The following GRB14 variants were observed in gnomAD, a reference collection of about 807,000 sequenced individuals.
The protein encoded by GRB14 is growth factor receptor-bound protein 14.
Under a neutral mutation model 69.1 loss-of-function variants are expected in GRB14, and 38 were observed. The ratio of observed to expected loss-of-function variants is 0.55; its 90% CI spans 0.42 to 0.72. The LOEUF is 0.72. Among genes scored for constraint, GRB14 ranks in the 30% least tolerant of loss-of-function variants. The pLI is 0.00. For missense variants in GRB14, 666 were observed against 666.1 expected (o/e 1.00, Z 0.00); for synonymous variants, 247 against 241.3 (o/e 1.02, Z -0.22).
chr2:164,516,483 A>G (rs1429050445), intron 6 of GRB14, among the ~76,000 whole-genome samples: 1 of 151,922 alleles, frequency 6.6e-6, no homozygotes, highest in East Asian at 1.9e-4. Flanking sequence ...GGATACTCAA[A>G]GAAAAAGAAA....
intron 2 of GRB14, chr2:164,573,711 C>A: frequency 6.2e-7 from 1 of 1,601,264 alleles, no homozygotes; most frequent in South Asian, 1.1e-5. Context: ...CTCTGACCTG[C>A]TATTCTAATT....
chr2:164,529,430 C>T (rs938251900), intron 3 of GRB14, among the ~76,000 whole-genome samples: 1 of 152,164 alleles, frequency 6.6e-6, no homozygotes, highest in African/African-American at 2.4e-5. Flanking sequence ...ACTTTTTAAA[C>T]TTAAAAACGA....
At chr2:164,550,475 T>C (rs1235874287) in intron 2 of GRB14, among the ~76,000 whole-genome samples, 1 of 152,228 alleles carries the variant, frequency 6.6e-6, no homozygotes, top group East Asian at 1.9e-4. Context: ...GTCCTATCTT[T>C]TAAAAATTAT....
At chr2:164,553,532 AATTAT>A (rs1294519327) in intron 2 of GRB14, among the ~76,000 whole-genome samples, 2 of 152,210 alleles carry the variant, frequency 1.3e-5, no homozygotes, top group Non-Finnish European at 2.9e-5. Context: ...TGAATAACGG[AATTAT>A]ATTTAGGTTG....
At chr2:164,538,796 T>A (rs1688152607) in intron 3 of GRB14, among the ~76,000 whole-genome samples, 2 of 152,230 alleles carry the variant, frequency 1.3e-5, no homozygotes, top group Admixed American at 6.5e-5. Flanking sequence ...AACAGGTAAC[T>A]TTTAGCATGA....
In GRB14 at chr2:164,621,464, G is replaced by T. The variant is rs1690463934; in HGVS notation, c.-155C>A. On this transcript the variant is annotated 5_prime_UTR_variant, in exon 1 of 14. Coordinates refer to ENST00000263915, the MANE Select transcript of GRB14 (RefSeq NM_004490.3). This position sits in a 1 kb window ranked among gnomAD's most constrained non-coding sequence, Gnocchi z 6.0. Reference sequence around the variant, plus strand: ...CGCTCGGGGCCCCGGCGGCTGAGACGCGCGGCCGAGCTATCTGCGAGGCGG... The same window carrying T: ...CGCTCGGGGCCCCGGCGGCTGAGACTCGCGGCCGAGCTATCTGCGAGGCGG... The T allele has an allele frequency of 4.6e-6, 2 of 430,698 alleles. No homozygotes were observed. The highest frequency in any genetic ancestry group is 2.1e-5 in the African/African-American group (1 of 48,080). The allele number at this position is 430,698 out of a possible 1,614,324, so 26.7% of individuals were successfully genotyped here. A position where few individuals can be genotyped will look rare whatever the true frequency, so the allele number is the denominator to read the frequency against.
At chr2:164,571,280 AAAAACTATGACC>A (rs1479123724) in intron 2 of GRB14, among the ~76,000 whole-genome samples, 2 of 152,212 alleles carry the variant, frequency 1.3e-5, no homozygotes, top group Non-Finnish European at 2.9e-5. Context: ...AATGAGGATA[AAAAACTATGACC>A]AAAACTTTCA....
In GRB14 at chr2:164,497,261, C is replaced by T. The variant is rs536754675; in HGVS notation, c.1244G>A (p.Gly415Asp). 3.7e-6 allele frequency: 6 copies of T among 1,613,472 alleles called. No homozygotes were observed. The highest frequency in any genetic ancestry group is 1.1e-5 in the South Asian group (1 of 90,994). The part of the protein sequence containing the change: ...AWRKKGCLRL[G>D]THGSPTASSQ... The stretch of plus-strand genomic sequence containing the variant: ...AGAGGCAGTGGGGCTACCGTGAGTG[C>T]CCAGGCGTAAACATCCTTTTTTCTG... Residue 415 changes from glycine to aspartate, a missense_variant, in exon 11 of 14, where the codon GGC (glycine) becomes GAC (aspartate). Physicochemically the swap from Gly to Asp is moderately conservative, Grantham distance 94. Transcript: ENST00000263915.
intron 9 of GRB14, among the ~76,000 whole-genome samples, chr2:164,500,640 A>C (rs928664627): frequency 1.3e-5 from 2 of 152,106 alleles, no homozygotes; most frequent in Non-Finnish European, 2.9e-5. Context: ...ATAATATTAA[A>C]GATGTAATTC....
chr2:164,537,689 T>C (rs1000612181), intron 3 of GRB14, among the ~76,000 whole-genome samples: 1 of 152,114 alleles, frequency 6.6e-6, no homozygotes, highest in Non-Finnish European at 1.5e-5. Flanking sequence ...TATAAGAATA[T>C]GTAGAAGAAA....
chr2:164,558,706 CAGTTTTTAAGCAAT>C (rs1408272160), intron 2 of GRB14, among the ~76,000 whole-genome samples: 1 of 152,188 alleles, frequency 6.6e-6, no homozygotes, highest in African/African-American at 2.4e-5. Context: ...GATCTCATTT[CAGTTTTTAAGCAAT>C]AGTTTATTCC....
chr2:164,506,311 T>C (rs958387811), intron 8 of GRB14, among the ~76,000 whole-genome samples: 14 of 152,226 alleles, frequency 9.2e-5, no homozygotes, highest in African/African-American at 3.4e-4. Context: ...ACATGGTGGC[T>C]ATCTGCCAAA....
intron 3 of GRB14, among the ~76,000 whole-genome samples, chr2:164,544,852 A>G (rs1434206994): frequency 6.6e-6 from 1 of 152,202 alleles, no homozygotes. Context: ...GTCAAATCAG[A>G]AGTACAAACA....
chr2:164,571,768 CA>C (rs1689128556), intron 2 of GRB14, among the ~76,000 whole-genome samples: 2 of 152,230 alleles, frequency 1.3e-5, no homozygotes, highest in South Asian at 4.1e-4. Context: ...GCACATACTG[CA>C]AAAGAACTTG....
In GRB14 at chr2:164,508,502, C is replaced by G. The variant is rs776596903; in HGVS notation, c.976G>C (p.Glu326Gln). 1.9e-6 allele frequency: 3 copies of G among 1,614,116 alleles called. No homozygotes were observed. The highest frequency in any genetic ancestry group is 1.1e-5 in the South Asian group (1 of 91,082). Residue 326 changes from glutamate to glutamine, a missense_variant, in exon 8 of 14, where the codon GAA becomes CAA. Physicochemically the swap from Glu to Gln is conservative, Grantham distance 29. Coordinates refer to ENST00000263915, the MANE Select transcript of GRB14 (RefSeq NM_004490.3). ...ACCCAGCACGTCCTACTCTGCTCTT[C>G]TTCTGCACAGAGCATTTTCAGGTCT... Reference protein sequence around the residue: ...PRDLKMLCAEEEQSRTCWVTA... With the variant: ...PRDLKMLCAEQEQSRTCWVTA...
chr2:164,609,825 A>G (rs1261405569), intron 2 of GRB14, among the ~76,000 whole-genome samples: 1 of 152,218 alleles, frequency 6.6e-6, no homozygotes, highest in Non-Finnish European at 1.5e-5. Flanking sequence ...CTGAAAAATG[A>G]AAATTGTGAT....
chr2:164,499,057 G>A (rs957869523), intron 9 of GRB14, among the ~76,000 whole-genome samples: 4 of 152,040 alleles, frequency 2.6e-5, no homozygotes, highest in African/African-American at 7.3e-5. Flanking sequence ...CTTGTGCTTT[G>A]CTGACATTAA....
chr2:164,565,867 T>C (rs374137290), intron 2 of GRB14, among the ~76,000 whole-genome samples: 1 of 152,146 alleles, frequency 6.6e-6, no homozygotes, highest in African/African-American at 2.4e-5. Context: ...ACAAAATAGA[T>C]CTATACCACA....
chr2:164,552,906 C>A (rs1023812834), intron 2 of GRB14, among the ~76,000 whole-genome samples: 1 of 152,174 alleles, frequency 6.6e-6, no homozygotes, highest in East Asian at 1.9e-4. Flanking sequence ...ATGACCACTC[C>A]TGAGAGAACA....
Sources: gnomAD v4.1 joint callset for allele counts (sites outside exome capture counted in the v4.1 genomes callset) on GRCh38, gnomAD v4.1.1 for gene constraint, Gnocchi (gnomAD v3.1) non-coding constraint, MANE v1.5 for transcripts, NCBI Gene and HGNC (gene_info 2026-07-23, HGNC 2026-07-21) for gene names.